Variants in FIG4 observed in about 807,000 individuals in gnomAD.
FIG4 encodes polyphosphoinositide phosphatase.
Under a neutral mutation model 118.6 loss-of-function variants are expected in FIG4, and 112 were observed. That is an observed-to-expected ratio of 0.94 (90% CI 0.81 to 1.11). The LOEUF (loss-of-function observed/expected upper bound fraction) is 1.11. Among genes scored for constraint, FIG4 ranks in the 50% least tolerant of loss-of-function variants. The pLI is 0.00. For missense variants in FIG4, 969 were observed against 1,111.7 expected (o/e 0.87, Z 1.83); for synonymous variants, 369 against 381.2 (o/e 0.97, Z 0.37).
chr6:109,818,785 C>A (rs1247889690), intron 22 of FIG4, among the ~76,000 whole-genome samples: 1 of 152,182 alleles, frequency 6.6e-6, no homozygotes, highest in African/African-American at 2.4e-5. Flanking sequence ...AAAACACATA[C>A]CCTGCATCCT....
At chr6:109,780,922 A>G (rs187155734) in intron 16 of FIG4, among the ~76,000 whole-genome samples, 8 of 152,362 alleles carry the variant, frequency 5.3e-5, no homozygotes, top group South Asian at 2.1e-4. Flanking sequence ...ATGGCATACA[A>G]TCATCTAAGA....
At chr6:109,719,016 T>G (rs1309111385) in intron 3 of FIG4, among the ~76,000 whole-genome samples, 3 of 151,846 alleles carry the variant, frequency 2.0e-5, no homozygotes, top group African/African-American at 7.3e-5. Flanking sequence ...CCTCCTGAGT[T>G]CAAGCCATTC....
At chr6:109,760,452 A>C (rs1777069250) in intron 11 of FIG4, 69 bp downstream of exon 11, 1 of 1,373,984 alleles carries the variant, frequency 7.3e-7, no homozygotes, top group African/African-American at 1.4e-5. Flanking sequence ...CAGGAAGCTG[A>C]CCTCTGTGGT....
At position 109,705,049 on chromosome 6, in the gene FIG4, A is replaced by T. The variant is rs1775022245; in HGVS notation, c.67-10029A>T. On this transcript the variant is annotated intron_variant, in intron 1 of 22. Transcript: ENST00000230124. ...CAGTTGGTGAGTCTAGATGAAGGGT[A>T]TATGGGTGTTCGTTGTACTGTTCTG... Among the ~76,000 whole-genome samples the T allele has an allele frequency of 2.0e-5, 3 of 152,144 alleles. No homozygotes were observed. In the South Asian group the frequency reaches 6.2e-4, roughly 31 times the overall value.
intron 15 of FIG4, 58 bp from the exon 16 acceptor site, chr6:109,776,864 T>C (rs1777632430): frequency 1.5e-5 from 21 of 1,375,200 alleles, no homozygotes; most frequent in Non-Finnish European, 2.0e-5. Context: ...GAAAATATTC[T>C]CTTGAGTTAT....
intron 3 of FIG4, among the ~76,000 whole-genome samples, chr6:109,719,498 C>T (rs1487756662): frequency 1.3e-5 from 2 of 152,024 alleles, no homozygotes; most frequent in Non-Finnish European, 2.9e-5. Context: ...ATCTACCTGC[C>T]TCAGGCTCCT....
intron 10 of FIG4, among the ~76,000 whole-genome samples, chr6:109,753,813 T>A (rs1776791089): frequency 6.6e-6 from 1 of 152,122 alleles, no homozygotes. Flanking sequence ...TTGCTGAAGT[T>A]GCTTATCAGC....
In FIG4 at chr6:109,785,015, G is replaced by A. The variant is rs993398232; in HGVS notation, c.1935G>A (p.Leu645=). The A allele has an allele frequency of 2.5e-6, 4 of 1,569,754 alleles. No individual in the cohort carries two copies. In the African/African-American group the frequency reaches 5.4e-5, roughly 21 times the overall value. ...WTPEVIKHLP[L]PYDEVICAVN... ...CAGAGGTGATAAAGCATTTACCATT[G>A]CCCTATGATGAAGGTAGGTAACTGT... The change falls in exon 17 of 23, where the codon TTG becomes TTA. Residue 645 remains leucine, a synonymous_variant. Coordinates refer to ENST00000230124, the MANE Select transcript of FIG4 (RefSeq NM_014845.6).
At chr6:109,817,664 T>C (rs1254288821) in intron 22 of FIG4, among the ~76,000 whole-genome samples, 1 of 151,856 alleles carries the variant, frequency 6.6e-6, no homozygotes, top group Non-Finnish European at 1.5e-5. Context: ...CCATTGCCAC[T>C]CATATATGTG....
At chr6:109,760,552 C>A (rs899796923) in intron 11 of FIG4, among the ~76,000 whole-genome samples, 169 bp downstream of exon 11, 18 of 151,448 alleles carry the variant, frequency 1.2e-4, no homozygotes, top group African/African-American at 4.4e-4. Flanking sequence ...ATTTTTTTTT[C>A]TTTTTGCCTA....
chr6:109,776,880 C>T lies in FIG4; in HGVS notation c.1751-42C>T, dbSNP rs891466252. On this transcript the variant is annotated intron_variant, in intron 15 of 22. Coordinates refer to ENST00000230124, the MANE Select transcript of FIG4 (RefSeq NM_014845.6). ...AAAATATTCTCTTGAGTTATATATCCATCAGTAATGGATTTTCTGAAATAT... is the reference window on the plus strand; with the variant it reads ...AAAATATTCTCTTGAGTTATATATCTATCAGTAATGGATTTTCTGAAATAT... 7 of 1,481,128 alleles carry T rather than the reference C, an allele frequency of 4.7e-6. No homozygotes were observed. The African/African-American group carries it at 9.7e-5, about 20-fold the overall frequency. The allele number at this position is 1,481,128 out of a possible 1,614,324, so 91.7% of individuals were successfully genotyped here. A position where few individuals can be genotyped will look rare whatever the true frequency, so the allele number is the denominator to read the frequency against.
intron 15 of FIG4, among the ~76,000 whole-genome samples, chr6:109,774,625 G>A (rs1777565447): frequency 1.3e-5 from 2 of 152,234 alleles, no homozygotes; most frequent in South Asian, 2.1e-4. Context: ...ATTTTGAAAT[G>A]TATTTGCCAA....
chr6:109,759,079 C>T (rs986956918), intron 10 of FIG4, among the ~76,000 whole-genome samples: 9 of 152,098 alleles, frequency 5.9e-5, no homozygotes, highest in African/African-American at 2.2e-4. Context: ...GCCATTTGAC[C>T]CAGCAATCCC....
intron 15 of FIG4, among the ~76,000 whole-genome samples, chr6:109,773,464 A>G (rs1777525913): frequency 6.6e-6 from 1 of 152,096 alleles, no homozygotes; most frequent in Non-Finnish European, 1.5e-5. Flanking sequence ...TTTCTACTTC[A>G]ATACCCATTG....
intron 22 of FIG4, among the ~76,000 whole-genome samples, chr6:109,804,162 A>T (rs146871655): frequency 6.6e-6 from 1 of 152,058 alleles, no homozygotes. Flanking sequence ...GCAGATTTGG[A>T]TATCTGATGT....
At position 109,786,289 on chromosome 6, in the gene FIG4, G is replaced by C; in HGVS notation, c.1949-13G>C. On this transcript the variant is annotated splice_polypyrimidine_tract_variant and intron_variant, in intron 17 of 22. Coordinates refer to ENST00000230124, the MANE Select transcript of FIG4 (RefSeq NM_014845.6). ...TCTCAGACTTTTAGAGTAACATGCA[G>C]TATCTCTCTTAGTTATCTGTGCTGT... The C allele has an allele frequency of 6.2e-7, 1 of 1,608,282 alleles. No individual in the cohort carries two copies.
intron 3 of FIG4, among the ~76,000 whole-genome samples, chr6:109,717,735 A>T (rs905477953): frequency 2.0e-5 from 3 of 152,180 alleles, no homozygotes; most frequent in Non-Finnish European, 2.9e-5. Context: ...AGGCACATAC[A>T]TGAAGGTACC....
chr6:109,694,556 G>A (rs1288248734), intron 1 of FIG4, among the ~76,000 whole-genome samples: 1 of 152,174 alleles, frequency 6.6e-6, no homozygotes, highest in Non-Finnish European at 1.5e-5. Context: ...GACTTTAAAA[G>A]CACAGGGAAC....
chr6:109,727,600 A>G (rs1481964124), intron 4 of FIG4, among the ~76,000 whole-genome samples: 1 of 152,200 alleles, frequency 6.6e-6, no homozygotes, highest in Non-Finnish European at 1.5e-5. Flanking sequence ...ACATAGTCCC[A>G]ACATTTTAAA....
Sources: gnomAD v4.1 joint callset for allele counts (sites outside exome capture counted in the v4.1 genomes callset) on GRCh38, gnomAD v4.1.1 for gene constraint, MANE v1.5 for transcripts, NCBI Gene and HGNC (gene_info 2026-07-23, HGNC 2026-07-21) for gene names.